GALNT7: variants seen among roughly 807,000 people sequenced by gnomAD.
The protein encoded by GALNT7 is polypeptide N-acetylgalactosaminyltransferase 7.
GALNT7 carries 60 observed loss-of-function variants against 82.1 expected under a neutral mutation model. The ratio of observed to expected loss-of-function variants is 0.73; its 90% CI spans 0.59 to 0.91. The LOEUF (loss-of-function observed/expected upper bound fraction) is 0.91, where lower values mean the gene tolerates loss of function less well. Ranked by LOEUF, GALNT7 falls within the 40% of genes least tolerant of loss-of-function variation. The probability of loss-of-function intolerance (pLI) is 0.00; values close to 1 mark genes in which losing one functional copy is unlikely to be tolerated. For synonymous variants in GALNT7, 243 were observed against 275.1 expected (o/e 0.88, Z 1.15); for missense variants, 660 against 804.2 (o/e 0.82, Z 2.17).
rs1736572207 is a variant in GALNT7, at chr4:173,292,273, A to AG, written c.754+1dup. 1 of 1,542,266 alleles carries AG rather than the reference A, an allele frequency of 6.5e-7. No homozygotes were observed. Among genetic ancestry groups the AG allele is most frequent in the African/African-American group, 1.4e-5 (1 of 72,494 alleles). ...TGTTAATTGACGATTTCAGTAATAAAGGTAATGGCTGTGAAACTCACATTT... is the reference window on the plus strand; with the variant it reads ...TGTTAATTGACGATTTCAGTAATAAAGGGTAATGGCTGTGAAACTCACATTT... On this transcript the variant is annotated frameshift_variant and splice_region_variant, in exon 3 of 12. Transcript: ENST00000265000. LOFTEE classifies it high-confidence loss of function. This position sits in a 1 kb window ranked among gnomAD's most constrained non-coding sequence, Gnocchi z 4.8.
At chr4:173,174,496 C>T (rs967332245) in intron 1 of GALNT7, among the ~76,000 whole-genome samples, 4 of 152,176 alleles carry the variant, frequency 2.6e-5, no homozygotes, top group African/African-American at 7.2e-5. Context: ...CTGAACATTT[C>T]GGAAATGTTT....
At chr4:173,235,063 C>T (rs899213384) in intron 1 of GALNT7, among the ~76,000 whole-genome samples, 1 of 152,220 alleles carries the variant, frequency 6.6e-6, no homozygotes, top group South Asian at 2.1e-4. Flanking sequence ...GGCGAAGACA[C>T]TAATTAACCC....
chr4:173,308,550 T>C (rs139054578), intron 8 of GALNT7, among the ~76,000 whole-genome samples: 172 of 152,274 alleles, frequency 1.1e-3, no homozygotes, highest in African/African-American at 4.1e-3. Context: ...GAAAAGTTAA[T>C]GTGAATATCC....
At chr4:173,191,011 A>G (rs971663541) in intron 1 of GALNT7, among the ~76,000 whole-genome samples, 1 of 152,136 alleles carries the variant, frequency 6.6e-6, no homozygotes, top group Non-Finnish European at 1.5e-5. Context: ...GTGGATTTGC[A>G]TAGCAGCATT....
At chr4:173,181,249 G>T (rs1199205251) in intron 1 of GALNT7, among the ~76,000 whole-genome samples, 2 of 152,124 alleles carry the variant, frequency 1.3e-5, no homozygotes, top group Non-Finnish European at 2.9e-5. Context: ...TTAAGCAGAA[G>T]ATTGCTGGAA....
chr4:173,271,059 G>A (rs1291892521), intron 2 of GALNT7, among the ~76,000 whole-genome samples: 3 of 152,194 alleles, frequency 2.0e-5, no homozygotes, highest in Non-Finnish European at 2.9e-5. Context: ...ATGAGAATGG[G>A]TATAAATAGT....
intron 1 of GALNT7, among the ~76,000 whole-genome samples, chr4:173,225,001 C>T (rs576355801): frequency 1.4e-5 from 2 of 145,098 alleles, no homozygotes; most frequent in South Asian, 2.2e-4. Flanking sequence ...GACGACAGAG[C>T]GAGACTCTGT....
chr4:173,267,823 T>G (rs925068084), intron 2 of GALNT7, among the ~76,000 whole-genome samples: 3 of 152,162 alleles, frequency 2.0e-5, no homozygotes, highest in African/African-American at 7.2e-5. Context: ...CTAAAGGACA[T>G]AAAAGGCATA....
At chr4:173,216,721 A>ATTT (rs1561157851) in intron 1 of GALNT7, among the ~76,000 whole-genome samples, 2 of 11,308 alleles carry the variant, frequency 1.8e-4, no homozygotes, top group African/African-American at 3.2e-4. Context: ...ATATATATAT[A>ATTT]TATATATTTT....
At chr4:173,229,912 A>C (rs1289989784) in intron 1 of GALNT7, among the ~76,000 whole-genome samples, 1 of 151,882 alleles carries the variant, frequency 6.6e-6, no homozygotes, top group East Asian at 1.9e-4. Context: ...TCCAACTTTG[A>C]CAATGCTTTG....
chr4:173,180,663 T>A (rs1057103055), intron 1 of GALNT7, among the ~76,000 whole-genome samples: 3 of 152,214 alleles, frequency 2.0e-5, no homozygotes, highest in African/African-American at 7.2e-5. Flanking sequence ...TACCTGGAAG[T>A]CAAAGGTATA....
intron 1 of GALNT7, among the ~76,000 whole-genome samples, chr4:173,215,660 T>G (rs886963320): frequency 6.6e-6 from 1 of 152,218 alleles, no homozygotes; most frequent in Admixed American, 6.5e-5. Flanking sequence ...ATGTGGAATT[T>G]CATCAGGCTC....
At chr4:173,310,392 T>C (rs1462193304) in intron 8 of GALNT7, among the ~76,000 whole-genome samples, 6 of 152,166 alleles carry the variant, frequency 3.9e-5, no homozygotes, top group African/African-American at 9.7e-5. Context: ...CTATACTTAG[T>C]GCAGCCCCTC....
At position 173,267,334 on chromosome 4, in the gene GALNT7, TG is replaced by T. The variant is rs1317846543; in HGVS notation, c.587+18895del. Among the ~76,000 whole-genome samples the T allele has an allele frequency of 2.0e-5, 3 of 152,168 alleles. No homozygotes were observed. The East Asian group carries it at 5.8e-4, about 29-fold the overall frequency. On this transcript the variant is annotated intron_variant, in intron 2 of 11. Coordinates refer to ENST00000265000, the MANE Select transcript of GALNT7 (RefSeq NM_017423.3). ...TTAGATCACCCTCCAGCCTGGCCCC[TG>T]AAACGCGTACCTGAATGCTAGGGAG...
chr4:173,217,392 A>G (rs1363711546), intron 1 of GALNT7, among the ~76,000 whole-genome samples: 2 of 152,152 alleles, frequency 1.3e-5, no homozygotes, highest in African/African-American at 2.4e-5. Flanking sequence ...TCAAAATACA[A>G]TATTATGCAT....
chr4:173,193,131 A>G (rs1732673483), intron 1 of GALNT7, among the ~76,000 whole-genome samples: 1 of 152,238 alleles, frequency 6.6e-6, no homozygotes, highest in African/African-American at 2.4e-5. Flanking sequence ...GACAGGGACA[A>G]ACAGACAAAA....
intron 2 of GALNT7, among the ~76,000 whole-genome samples, chr4:173,265,679 AC>A (rs1254464985): frequency 1.8e-4 from 10 of 57,008 alleles, no homozygotes; most frequent in Admixed American, 8.2e-4. Flanking sequence ...TCCCTCCCCC[AC>A]CCCCCACCCT....
At position 173,302,202 on chromosome 4, in the gene GALNT7, GTTACTAAC is replaced by G; in HGVS notation, c.1266+41_1266+48del. 1 of 911,976 alleles carries G rather than the reference GTTACTAAC, an allele frequency of 1.1e-6. No homozygotes were observed. The highest frequency in any genetic ancestry group is 1.8e-6 in the Non-Finnish European group (1 of 542,722). The allele number at this position is 911,976 out of a possible 1,614,324, so 56.5% of individuals were successfully genotyped here. On this transcript the variant is annotated intron_variant, in intron 7 of 11. Coordinates refer to ENST00000265000, the MANE Select transcript of GALNT7 (RefSeq NM_017423.3). The surrounding 1 kb of genome is among the most constrained non-coding windows in gnomAD (Gnocchi z 4.2). Reference sequence around the variant, plus strand: ...TTCAACAGATGGAATTCTCCAAGTCGTTACTAACTTCTGTGGCTTTCAGATAAAGCTAG... The same window carrying G: ...TTCAACAGATGGAATTCTCCAAGTCGTTCTGTGGCTTTCAGATAAAGCTAG...
At chr4:173,303,127 G>A (rs982953997) in intron 7 of GALNT7, among the ~76,000 whole-genome samples, 1 of 151,958 alleles carries the variant, frequency 6.6e-6, no homozygotes, top group Non-Finnish European at 1.5e-5. Context: ...TCTGGGAGGC[G>A]GAGATTGTAG....
Sources: gnomAD v4.1 joint callset for allele counts (sites outside exome capture counted in the v4.1 genomes callset) on GRCh38, gnomAD v4.1.1 for gene constraint, Gnocchi (gnomAD v3.1) non-coding constraint, MANE v1.5 for transcripts, NCBI Gene and HGNC (gene_info 2026-07-23, HGNC 2026-07-21) for gene names.